Variants in LAT observed in about 807,000 individuals in gnomAD.
The protein encoded by LAT is linker for activation of T cells.
In LAT, 12 loss-of-function variants were observed where a neutral mutation model predicts 39.1. The ratio of observed to expected loss-of-function variants is 0.31; its 90% CI spans 0.20 to 0.50. LAT has a LOEUF of 0.50. LAT is among the 20% of genes least tolerant of loss of function. The pLI, the probability that LAT is intolerant of heterozygous loss-of-function variation, is 0.98. For synonymous variants in LAT, 117 were observed against 123.8 expected (o/e 0.95, Z 0.36); for missense variants, 253 against 308.0 (o/e 0.82, Z 1.34).
rs1354990346 is a variant in LAT at position 28,986,869 on chromosome 16, G to A, written c.469G>A (p.Gly157Ser). 9 of 1,613,880 alleles carry A rather than the reference G, an allele frequency of 5.6e-6. No individual in the cohort carries two copies. Among genetic ancestry groups the A allele is most frequent in the African/African-American group, 1.3e-5 (1 of 74,886 alleles). The change falls in exon 8 of 12, where the codon GGC becomes AGC. Residue 157 changes from glycine to serine, a missense_variant. Coordinates refer to ENST00000395456, the MANE Select transcript of LAT (RefSeq NM_001014987.2). The surrounding 1 kb of genome is among the most constrained non-coding windows in gnomAD (Gnocchi z 5.7). Reference sequence around the variant, plus strand: ...ATCAGCTCCTGCACTCAGCACCCCTGGCATCCGAGACAGTGCCTTCTCCAG... The same window carrying A: ...ATCAGCTCCTGCACTCAGCACCCCTAGCATCCGAGACAGTGCCTTCTCCAG... Reference protein sequence around the residue: ...APSAPALSTPGIRDSAFSMES... With the variant: ...APSAPALSTPSIRDSAFSMES...
Position 28,986,388 on chromosome 16 carries a change from C to T in LAT, c.252C>T (p.Ser84=). The T allele has an allele frequency of 6.2e-7, 1 of 1,613,722 alleles. No homozygotes were observed. Among genetic ancestry groups the T allele is most frequent in the South Asian group, 1.1e-5 (1 of 91,082 alleles). The change falls in exon 5 of 12, where the codon TCC becomes TCT. Residue 84 remains serine, a synonymous_variant. Coordinates refer to ENST00000395456, the MANE Select transcript of LAT (RefSeq NM_001014987.2). The surrounding 1 kb of genome is among the most constrained non-coding windows in gnomAD (Gnocchi z 5.7). ...SQPDLLPIPR[S]PQPLGGSHRT... ...CCTGACCTTTGACTCCCAGAAGATC[C>T]CCGCAGCCCCTTGGGGGCTCCCACC...
chr16:28,985,572 C>T lies in LAT; in HGVS notation c.100+55C>T. 1 of 1,601,868 alleles carries T rather than the reference C, an allele frequency of 6.2e-7. No homozygotes were observed. The highest frequency in any genetic ancestry group is 8.5e-7 in the Non-Finnish European group (1 of 1,170,854). ...GGCCCAGGGACACCGACGGGATCCT[C>T]ATCCACTCCCAGCCCCTGTGTCTGT... On this transcript the variant is annotated intron_variant, in intron 1 of 11. Transcript: ENST00000395456. This position sits in a 1 kb window ranked among gnomAD's most constrained non-coding sequence, Gnocchi z 4.6.
upstream of LAT, chr16:28,984,975 T>G: frequency 6.9e-7 from 1 of 1,450,348 alleles, no homozygotes; most frequent in Non-Finnish European, 9.1e-7. Context: ...CCCTCCCCAC[T>G]GGCGGGTGGG....
At position 28,986,491 on chromosome 16, in the gene LAT, T is replaced by C. The variant is rs1166138999; in HGVS notation, c.310+45T>C. 2.5e-6 allele frequency: 4 copies of C among 1,613,236 alleles called. No individual in the cohort carries two copies. Among genetic ancestry groups the C allele is most frequent in the East Asian group, 2.2e-5 (1 of 44,840 alleles). ...CAGGCGGCGGGGGCTGGGAAGAAGA[T>C]AGGCCTGGCCTGAGCTGACTTAGTC... On this transcript the variant is annotated intron_variant, in intron 5 of 11. Transcript: ENST00000395456. This position sits in a 1 kb window ranked among gnomAD's most constrained non-coding sequence, Gnocchi z 5.7.
At chr16:28,990,060 A>G in intron 11 of LAT, 41 bp downstream of exon 11, 2 of 1,527,362 alleles carry the variant, frequency 1.3e-6, no homozygotes. Flanking sequence ...CTGGGCCCAC[A>G]GGCTCTACTC....
Position 28,989,579 on chromosome 16 carries a change from A to C in LAT, c.546A>C (p.Glu182Asp), listed in dbSNP as rs1238528157. The C allele has an allele frequency of 6.2e-7, 1 of 1,610,872 alleles. No individual in the cohort carries two copies. Among genetic ancestry groups the C allele is most frequent in the Non-Finnish European group, 8.5e-7 (1 of 1,178,384 alleles). ...TTCCGGAGAGCGGGGAGAGCGCAGA[A>C]GCGTCTCTGGGTGAGTGACCGGTGC... Reference protein sequence around the residue: ...VNVPESGESAEASLDGSREYV... With the variant: ...VNVPESGESADASLDGSREYV... The change falls in exon 9 of 12, where the codon GAA becomes GAC. Residue 182 changes from glutamate to aspartate, a missense_variant. Glu to Asp is a conservative substitution (Grantham distance 45). Transcript: ENST00000395456.
At chr16:28,989,423 T>A (rs1011116871) in intron 8 of LAT, 104 bp from the exon 9 acceptor site, 20 of 967,238 alleles carry the variant, frequency 2.1e-5, no homozygotes, top group Non-Finnish European at 2.8e-5. Flanking sequence ...GCCTCTGGGG[T>A]CTACCGTTGG....
At position 28,989,609 on chromosome 16, in the gene LAT, C is replaced by A; in HGVS notation, c.556+20C>A. On this transcript the variant is annotated intron_variant, in intron 9 of 11. Coordinates refer to ENST00000395456, the MANE Select transcript of LAT (RefSeq NM_001014987.2). Reference sequence around the variant, plus strand: ...CTCTGGGTGAGTGACCGGTGCTTGTCGGTGCCTGCCCCTGCACCCCGCTGC... The same window carrying A: ...CTCTGGGTGAGTGACCGGTGCTTGTAGGTGCCTGCCCCTGCACCCCGCTGC... 1 of 1,602,850 alleles carries A rather than the reference C, an allele frequency of 6.2e-7. No homozygotes were observed. The highest frequency in any genetic ancestry group is 8.5e-7 in the Non-Finnish European group (1 of 1,173,926).
chr16:28,985,635 C>T lies in LAT; in HGVS notation c.101-78C>T, dbSNP rs895947884. On this transcript the variant is annotated intron_variant, in intron 1 of 11. Coordinates refer to ENST00000395456, the MANE Select transcript of LAT (RefSeq NM_001014987.2). The surrounding 1 kb of genome is among the most constrained non-coding windows in gnomAD (Gnocchi z 4.6). ...CCTGCCTCCGTCCTGATCCCAGCGC[C>T]TCTGAGAGTCCCTGGATCCCAGCAC... The T allele has an allele frequency of 6.2e-7, 1 of 1,609,058 alleles. No individual in the cohort carries two copies. The highest frequency in any genetic ancestry group is 1.3e-5 in the African/African-American group (1 of 74,800).
chr16:28,984,833 C>G, upstream of LAT: 4 of 1,549,558 alleles, frequency 2.6e-6, no homozygotes, highest in Non-Finnish European at 3.5e-6. Context: ...TCAGGGCCTC[C>G]CTGCTCGCTG....
rs1378355471 is a variant in LAT, at chr16:28,989,547, G to T, written c.514G>T (p.Val172Leu). The change falls in exon 9 of 12, where the codon GTG becomes TTG. Residue 172 changes from valine to leucine, a missense_variant. Coordinates refer to ENST00000395456, the MANE Select transcript of LAT (RefSeq NM_001014987.2). ...CACAGTGGAGTCCATTGATGATTAC[G>T]TGAACGTTCCGGAGAGCGGGGAGAG... ...AFSMESIDDY[V>L]NVPESGESAE... 1 of 1,611,084 alleles carries T rather than the reference G, an allele frequency of 6.2e-7. No individual in the cohort carries two copies. Among genetic ancestry groups the T allele is most frequent in the Non-Finnish European group, 8.5e-7 (1 of 1,178,356 alleles).
chr16:28,989,383 G>T, intron 8 of LAT, 144 bp from the exon 9 acceptor site: 1 of 682,650 alleles, frequency 1.5e-6, no homozygotes, highest in Non-Finnish European at 2.5e-6. Context: ...TCTTCATTCT[G>T]TGGGGCTAAT....
chr16:28,985,752 C>T lies in LAT; in HGVS notation c.128+12C>T, dbSNP rs778932306. On this transcript the variant is annotated intron_variant, in intron 2 of 11. Transcript: ENST00000395456. The surrounding 1 kb of genome is among the most constrained non-coding windows in gnomAD (Gnocchi z 4.6). The stretch of plus-strand genomic sequence containing the variant: ...ACATCCTCAGATAGGTGAGTCCGCC[C>T]CAGCCGCCCTGGGTCTCCCTCCACA... 1 of 1,614,092 alleles carries T rather than the reference C, an allele frequency of 6.2e-7. No homozygotes were observed. The highest frequency in any genetic ancestry group is 1.1e-5 in the South Asian group (1 of 91,082).
chr16:28,986,400 TGGG>T lies in LAT; in HGVS notation c.267_269del (p.Gly90del), dbSNP rs781410769. Reference sequence around the variant, plus strand: ...CTCCCAGAAGATCCCCGCAGCCCCTTGGGGGCTCCCACCGGACGCCATCTTCCC... The same window carrying T: ...CTCCCAGAAGATCCCCGCAGCCCCTTGGCTCCCACCGGACGCCATCTTCCC... On this transcript the variant is annotated inframe_deletion, in exon 5 of 12. Transcript: ENST00000395456. This position sits in a 1 kb window ranked among gnomAD's most constrained non-coding sequence, Gnocchi z 5.7. 1 of 1,613,578 alleles carries T rather than the reference TGGG, an allele frequency of 6.2e-7. No individual in the cohort carries two copies. The highest frequency in any genetic ancestry group is 8.5e-7 in the Non-Finnish European group (1 of 1,179,960).
chr16:28,984,901 G>A (rs549994584), upstream of LAT: 21 of 1,548,250 alleles, frequency 1.4e-5, no homozygotes, highest in South Asian at 4.8e-5. Flanking sequence ...GGCTGTCCCC[G>A]TCTTGGGGGG....
intron 8 of LAT, chr16:28,988,180 A>G (rs888522941): frequency 3.3e-5 from 5 of 152,132 alleles, no homozygotes; most frequent in African/African-American, 1.2e-4. Flanking sequence ...TCACTCACTA[A>G]TCTGACTGCC....
rs768249345 is a variant in LAT, at chr16:28,989,582, G to A, written c.549G>A (p.Ala183=). 16 of 1,610,462 alleles carry A rather than the reference G, an allele frequency of 9.9e-6. No homozygotes were observed. The highest frequency in any genetic ancestry group is 1.7e-4 in the Middle Eastern group (1 of 6,040). Residue 183 remains alanine, a synonymous_variant, in exon 9 of 12, where the codon GCG becomes GCA. Transcript: ENST00000395456. ...NVPESGESAE[A]SLDGSREYVN... is the part of the protein sequence containing the mutation. ...CGGAGAGCGGGGAGAGCGCAGAAGCGTCTCTGGGTGAGTGACCGGTGCTTG... is the reference window on the plus strand; with the variant it reads ...CGGAGAGCGGGGAGAGCGCAGAAGCATCTCTGGGTGAGTGACCGGTGCTTG...
At position 28,985,587 on chromosome 16, in the gene LAT, CCT is replaced by C. The variant is rs2141683864; in HGVS notation, c.100+71_100+72del. On this transcript the variant is annotated intron_variant, in intron 1 of 11. Coordinates refer to ENST00000395456, the MANE Select transcript of LAT (RefSeq NM_001014987.2). This position sits in a 1 kb window ranked among gnomAD's most constrained non-coding sequence, Gnocchi z 4.6. ...ACGGGATCCTCATCCACTCCCAGCC[CCT>C]GTGTCTGTCCTGGCTCTGTCCCTGC... The C allele has an allele frequency of 3.7e-6, 6 of 1,602,308 alleles. No homozygotes were observed. The highest frequency in any genetic ancestry group is 4.3e-6 in the Non-Finnish European group (5 of 1,171,044).
rs1442962880 is a variant in LAT at position 28,986,343 on chromosome 16, G to A, written c.246-39G>A. 6.2e-7 allele frequency: 1 copy of A among 1,608,656 alleles called. No homozygotes were observed. Among genetic ancestry groups the A allele is most frequent in the Non-Finnish European group, 8.5e-7 (1 of 1,176,342 alleles). ...TTTTGCAACTGCTGTTGCCCCCTGA[G>A]CCCCACCTCAGGCATGACCCCTGAC... is the stretch of plus-strand genomic sequence containing the variant. On this transcript the variant is annotated intron_variant, in intron 4 of 11. Transcript: ENST00000395456. This position sits in a 1 kb window ranked among gnomAD's most constrained non-coding sequence, Gnocchi z 5.7.
Sources: allele counts gnomAD v4.1 joint callset, GRCh38; gene constraint gnomAD v4.1.1; non-coding constraint Gnocchi (gnomAD v3.1); transcripts MANE v1.5; gene names NCBI Gene and HGNC (gene_info 2026-07-23, HGNC 2026-07-21).